COQ5: variants seen among roughly 807,000 people sequenced by gnomAD.
The protein encoded by COQ5 is 2-methoxy-6-polyprenyl-1,4-benzoquinol methylase, mitochondrial.
In COQ5, 27 loss-of-function variants were observed where a neutral mutation model predicts 40.5. The observed-to-expected ratio is 0.67, with a 90% confidence interval of 0.49 to 0.92. The LOEUF is 0.92. Ranked by LOEUF, COQ5 falls within the 40% of genes least tolerant of loss-of-function variation. The pLI, the probability that COQ5 is intolerant of heterozygous loss-of-function variation, is 0.00. For synonymous variants in COQ5, 141 were observed against 150.0 expected (o/e 0.94, Z 0.44); for missense variants, 409 against 406.4 (o/e 1.01, Z -0.06).
At chr12:120,521,324 C>A (rs1869638732) in intron 2 of COQ5, among the ~76,000 whole-genome samples, 1 of 152,028 alleles carries the variant, frequency 6.6e-6, no homozygotes, top group Admixed American at 6.6e-5. Flanking sequence ...ACCGTGGCCA[C>A]CCAAAGTGCT....
At chr12:120,523,173 C>T in intron 1 of COQ5, 1 of 249,324 alleles carries the variant, frequency 4.0e-6, no homozygotes, top group Non-Finnish European at 7.6e-6. Context: ...CCCGTCTCTA[C>T]TAAAAATACA....
chr12:120,528,249 C>A (rs956145205), intron 1 of COQ5, among the ~76,000 whole-genome samples: 10 of 151,666 alleles, frequency 6.6e-5, no homozygotes, highest in African/African-American at 2.4e-4. Context: ...ACCAAAAAAA[C>A]CCCTATTTTT....
chr12:120,526,698 ATTTTTTTTTTTTTTTTTTTTT>A (rs61584250), intron 1 of COQ5, among the ~76,000 whole-genome samples: 1 of 64,088 alleles, frequency 1.6e-5, no homozygotes, highest in African/African-American at 8.2e-5. Flanking sequence ...ACTCTTGGCA[ATTTTTTTTTTTTTTTTTTTTT>A]TTTTTTTTTT....
chr12:120,525,055 G>A (rs1167701), intron 1 of COQ5, among the ~76,000 whole-genome samples: 40,831 of 151,284 alleles, frequency 0.27, 6,599 homozygotes, highest in Admixed American at 0.39. Flanking sequence ...AGATCTGCCC[G>A]CCTTGGCTTC....
intron 3 of COQ5, among the ~76,000 whole-genome samples, chr12:120,514,667 C>T (rs556230688): frequency 4.6e-5 from 7 of 151,814 alleles, no homozygotes; most frequent in African/African-American, 7.2e-5. Flanking sequence ...TGCTTGAACC[C>T]GGGAGGCAGA....
rs1555222910 is a variant in COQ5 at position 120,514,781 on chromosome 12, C to CAACAACAAA, written c.574+1785_574+1786insTTTGTTGTT. ...ACAACAACAACAACAACAACAACAACAAAAACTGGGCCAACAGGGTGCAGT... is the reference window on the plus strand; with the variant it reads ...ACAACAACAACAACAACAACAACAACAACAACAAAAAAAACTGGGCCAACAGGGTGCAGT... On this transcript the variant is annotated intron_variant, in intron 3 of 6. Transcript: ENST00000288532. Among the ~76,000 whole-genome samples the CAACAACAAA allele has an allele frequency of 4.0e-5, 6 of 151,270 alleles. 1 individual carries two copies. The highest frequency in any genetic ancestry group is 8.8e-5 in the Non-Finnish European group (6 of 67,908).
rs1485162057 is a variant in COQ5, at chr12:120,503,683, T to A, written c.*101A>T. 1 of 841,854 alleles carries A rather than the reference T, an allele frequency of 1.2e-6. No individual in the cohort carries two copies. Among genetic ancestry groups the A allele is most frequent in the African/African-American group, 1.7e-5 (1 of 59,678 alleles). 52.1% of individuals were successfully genotyped at this position (841,854 alleles called of 1,614,324 possible). On this transcript the variant is annotated 3_prime_UTR_variant, in exon 7 of 7. Coordinates refer to ENST00000288532, the MANE Select transcript of COQ5 (RefSeq NM_032314.4). ...AACATGAGTCCAAGGCACGTATCCT[T>A]AAGAGGAGATGCTCTGCTGCTGTCT... is the stretch of plus-strand genomic sequence containing the variant.
intron 2 of COQ5, 26 bp downstream of exon 2, chr12:120,522,188 G>A: frequency 1.9e-6 from 3 of 1,613,736 alleles, no homozygotes; most frequent in Non-Finnish European, 2.5e-6. Flanking sequence ...CTCAATGGTA[G>A]TGAAGGATAC....
intron 1 of COQ5, among the ~76,000 whole-genome samples, chr12:120,528,598 G>A (rs1870074366): frequency 6.6e-6 from 1 of 152,152 alleles, no homozygotes; most frequent in East Asian, 1.9e-4. Flanking sequence ...ATCACCTGAG[G>A]TCAGGAGTTC....
At chr12:120,505,556 T>G (rs112190670) in intron 4 of COQ5, among the ~76,000 whole-genome samples, 2 of 151,762 alleles carry the variant, frequency 1.3e-5, no homozygotes, top group Non-Finnish European at 2.9e-5. Flanking sequence ...CCCGCTAATT[T>G]TTTGTTTGTT....
intron 6 of COQ5, 37 bp from the exon 7 acceptor site, chr12:120,503,922 C>G (rs777845408): frequency 2.1e-5 from 34 of 1,598,386 alleles, no homozygotes; most frequent in Non-Finnish European, 2.7e-5. Flanking sequence ...CCAGGGTAGC[C>G]TGGATATCAC....
At chr12:120,524,299 C>G (rs1334770127) in intron 1 of COQ5, among the ~76,000 whole-genome samples, 3 of 151,548 alleles carry the variant, frequency 2.0e-5, no homozygotes, top group African/African-American at 7.3e-5. Flanking sequence ...CTCGCTCTGT[C>G]GCCCAGGCTG....
rs371410788 is a variant in COQ5 at position 120,519,818 on chromosome 12, C to T, written c.352+2396G>A. Among the ~76,000 whole-genome samples, 24 of 148,250 alleles carry T rather than the reference C, an allele frequency of 1.6e-4. No individual in the cohort carries two copies. In the South Asian group the frequency reaches 4.7e-3, roughly 29 times the overall value. ...CTAGGAGGCAGAGGTTGCGGTGAGCCGAAATTGTGCCATTGCACTTCAGCC... is the reference window on the plus strand; with the variant it reads ...CTAGGAGGCAGAGGTTGCGGTGAGCTGAAATTGTGCCATTGCACTTCAGCC... On this transcript the variant is annotated intron_variant, in intron 2 of 6. Transcript: ENST00000288532.
intron 1 of COQ5, among the ~76,000 whole-genome samples, chr12:120,525,813 T>A (rs796632079): frequency 7.2e-5 from 11 of 151,958 alleles, no homozygotes; most frequent in African/African-American, 2.4e-4. Context: ...TAGTCCCAGC[T>A]ACTCGGGAGG....
At chr12:120,509,906 C>G in intron 4 of COQ5, 111 bp downstream of exon 4, 1 of 826,956 alleles carries the variant, frequency 1.2e-6, no homozygotes, top group South Asian at 1.4e-5. Context: ...GGCAACATAC[C>G]AAGACCCCAT....
chr12:120,522,134 G>A lies in COQ5; in HGVS notation c.352+80C>T, dbSNP rs1046013867. On this transcript the variant is annotated intron_variant, in intron 2 of 6. Coordinates refer to ENST00000288532, the MANE Select transcript of COQ5 (RefSeq NM_032314.4). The stretch of plus-strand genomic sequence containing the variant: ...ATCACCATCTTCCGCCTCGTGTTAG[G>A]TGAGCTAGCTCATTACAAGAGAGAC... 6 of 1,457,080 alleles carry A rather than the reference G, an allele frequency of 4.1e-6. No homozygotes were observed. In the Admixed American group the frequency reaches 1.0e-4, roughly 25 times the overall value. The allele number at this position is 1,457,080 out of a possible 1,614,324, so 90.3% of individuals were successfully genotyped here.
At chr12:120,518,999 G>T (rs1367026330) in intron 2 of COQ5, among the ~76,000 whole-genome samples, 1 of 152,064 alleles carries the variant, frequency 6.6e-6, no homozygotes, top group Non-Finnish European at 1.5e-5. Flanking sequence ...CATAAACAGG[G>T]ATATTGTATA....
At chr12:120,522,066 A>T in intron 2 of COQ5, 148 bp downstream of exon 2, 1 of 731,690 alleles carries the variant, frequency 1.4e-6, no homozygotes, top group Non-Finnish European at 2.2e-6. Context: ...TCAAAAAGAT[A>T]AGTGCGTGCC....
chr12:120,522,946 G>C (rs781692998), intron 1 of COQ5: 2 of 623,718 alleles, frequency 3.2e-6, no homozygotes, highest in Non-Finnish European at 5.7e-6. Context: ...CTGTTGGCCT[G>C]CATCTTTTTT....
Sources: gnomAD v4.1 joint callset for allele counts (sites outside exome capture counted in the v4.1 genomes callset) on GRCh38, gnomAD v4.1.1 for gene constraint, MANE v1.5 for transcripts, NCBI Gene and HGNC (gene_info 2026-07-23, HGNC 2026-07-21) for gene names.